CCDC141: variants seen among roughly 807,000 people sequenced by gnomAD.
The protein encoded by CCDC141 is coiled-coil domain-containing protein 141.
In CCDC141, 168 loss-of-function variants were observed where a neutral mutation model predicts 181.0. That is an observed-to-expected ratio of 0.93 (90% CI 0.82 to 1.05). The LOEUF (loss-of-function observed/expected upper bound fraction) is 1.05. Ranked by LOEUF, CCDC141 falls within the 50% of genes least tolerant of loss-of-function variation. CCDC141 has a pLI of 0.00. For synonymous variants in CCDC141, 666 were observed against 642.3 expected, an observed-to-expected ratio of 1.04 and a Z score of -0.56; for missense variants, 1,902 against 1,788.5, an observed-to-expected ratio of 1.06 and a Z score of -1.14.
intron 6 of CCDC141, among the ~76,000 whole-genome samples, chr2:178,940,005 A>T (rs1482591451): frequency 1.3e-5 from 2 of 152,232 alleles, no homozygotes; most frequent in Non-Finnish European, 2.9e-5. Flanking sequence ...CACTGGACAG[A>T]CCAAAAATTT....
chr2:178,850,087 A>C lies in CCDC141; in HGVS notation c.3319T>G (p.Leu1107Val). The C allele has an allele frequency of 6.2e-7, 1 of 1,610,216 alleles. No homozygotes were observed. The highest frequency in any genetic ancestry group is 8.5e-7 in the Non-Finnish European group (1 of 1,177,614). ...HKEVLESVTE[L>V]CESLTELEEK... The stretch of plus-strand genomic sequence containing the variant: ...TCGAGCTCTGTGAGGGACTCACATA[A>C]TTCAGTCACAGATTCAAGAACCTCT... Residue 1107 changes from leucine (L) to valine (V), a missense_variant, in exon 21 of 24, where the codon TTA becomes GTA. Transcript: ENST00000443758.
chr2:178,905,348 T>C lies in CCDC141; in HGVS notation c.1246A>G (p.Ser416Gly), dbSNP rs748639287. 3.1e-5 allele frequency: 48 copies of C among 1,549,124 alleles called. 1 individual carries two copies. In the South Asian group the frequency reaches 5.6e-4, roughly 18 times the overall value. The change falls in exon 8 of 24, where the codon AGC becomes GGC. Residue 416 changes from serine to glycine, a missense_variant. Coordinates refer to ENST00000443758, the MANE Select transcript of CCDC141 (RefSeq NM_173648.4). ...ACTCACCTGCAGGAGTCTACTTGGC[T>C]GATTAAGGTTTGTCCCTTTTGCAAA... ...DALQKGQTLI[S>G]QVDSCSSQVS...
chr2:179,044,113 C>G (rs1559068597), intron 2 of CCDC141, among the ~76,000 whole-genome samples: 1 of 152,068 alleles, frequency 6.6e-6, no homozygotes, highest in Non-Finnish European at 1.5e-5. Context: ...AGTGAAGGAC[C>G]TCTTTAAGGG....
rs1166488144 is a variant in CCDC141 at position 178,897,611 on chromosome 2, G to C, written c.1265+7718C>G. ...AGCTTAAATCCGCCATGATGAGGTA[G>C]AATGAAACCTTATACAGTCCTTTAG... On this transcript the variant is annotated intron_variant, in intron 8 of 23. Transcript: ENST00000443758. Among the ~76,000 whole-genome samples, 3 of 152,190 alleles carry C rather than the reference G, an allele frequency of 2.0e-5. No individual in the cohort carries two copies. The East Asian group carries it at 5.8e-4, about 29-fold the overall frequency.
chr2:178,942,523 G>A (rs1289409066), intron 6 of CCDC141, among the ~76,000 whole-genome samples: 7 of 152,242 alleles, frequency 4.6e-5, no homozygotes, highest in East Asian at 1.9e-4. Context: ...CAGGCAGAGC[G>A]CAGAGGAGTT....
At chr2:178,996,529 T>C (rs931027223) in intron 2 of CCDC141, among the ~76,000 whole-genome samples, 2 of 152,176 alleles carry the variant, frequency 1.3e-5, no homozygotes, top group Non-Finnish European at 2.9e-5. Context: ...AAAAATGGGC[T>C]ATTTCTATAT....
At chr2:178,997,209 C>T (rs1371722628) in intron 2 of CCDC141, among the ~76,000 whole-genome samples, 1 of 152,136 alleles carries the variant, frequency 6.6e-6, no homozygotes, top group African/African-American at 2.4e-5. Context: ...GTTAGGAAGG[C>T]CTTGTGGTTC....
At chr2:178,941,240 C>A (rs1053910848) in intron 6 of CCDC141, among the ~76,000 whole-genome samples, 1 of 152,170 alleles carries the variant, frequency 6.6e-6, no homozygotes, top group Non-Finnish European at 1.5e-5. Context: ...CATATTCCAT[C>A]CATCTGTTCA....
At chr2:178,959,145 G>C (rs2154378738) in intron 5 of CCDC141, among the ~76,000 whole-genome samples, 1 of 152,004 alleles carries the variant, frequency 6.6e-6, no homozygotes, top group African/African-American at 2.4e-5. Flanking sequence ...GCCTGTTGTG[G>C]GGTGGGGGAA....
chr2:179,042,173 C>G (rs2655160), intron 2 of CCDC141, among the ~76,000 whole-genome samples: 98,075 of 152,044 alleles, frequency 0.65, 32,933 homozygotes, highest in East Asian at 0.77. Context: ...TGAAGTAAAA[C>G]ACTCCTCAGC....
intron 5 of CCDC141, among the ~76,000 whole-genome samples, chr2:178,960,471 C>T (rs1002387887): frequency 7.2e-5 from 11 of 152,138 alleles, no homozygotes; most frequent in African/African-American, 2.4e-4. Context: ...GACCTCCCTC[C>T]ACATAATTTC....
intron 7 of CCDC141, among the ~76,000 whole-genome samples, chr2:178,906,971 A>G (rs902377532): frequency 6.6e-6 from 1 of 152,198 alleles, no homozygotes; most frequent in Non-Finnish European, 1.5e-5. Context: ...TCACTCAAAC[A>G]GCGTCTTACT....
intron 8 of CCDC141, among the ~76,000 whole-genome samples, chr2:178,890,724 A>G (rs1055933292): frequency 2.0e-5 from 3 of 152,180 alleles, no homozygotes; most frequent in African/African-American, 7.2e-5. Context: ...CACTGAGCCC[A>G]GCCTCCTCTT....
Position 178,853,599 on chromosome 2 carries a change from C to T in CCDC141, c.3086G>A (p.Ser1029Asn), listed in dbSNP as rs576407054. Residue 1029 changes from serine to asparagine, a missense_variant, in exon 20 of 24, where the codon AGT (serine) becomes AAT (asparagine). Ser to Asn is a conservative substitution (Grantham distance 46). Transcript: ENST00000443758. ...TTTTCCAACTCTTACAACTGTGGCA[C>T]TTGCATCTTCGTACCAAAAATGACA... ...EECHFWYEDA[S>N]ATVVRVGKYS... The T allele has an allele frequency of 1.2e-6, 2 of 1,612,792 alleles. No individual in the cohort carries two copies. The highest frequency in any genetic ancestry group is 4.5e-5 in the East Asian group (2 of 44,844).
chr2:178,944,573 G>C lies in CCDC141; in HGVS notation c.859C>G (p.Arg287Gly), dbSNP rs1350881319. The C allele has an allele frequency of 6.5e-7, 1 of 1,535,048 alleles. No individual in the cohort carries two copies. Among genetic ancestry groups the C allele is most frequent in the Admixed American group, 2.0e-5 (1 of 49,270 alleles). Residue 287 changes from arginine to glycine, a missense_variant, in exon 6 of 24, where the codon CGA (arginine) becomes GGA (glycine). Arg to Gly is a moderately radical substitution (Grantham distance 125, BLOSUM62 -2). Transcript: ENST00000443758. ...LGSSLSDNED[R>G]IHKQEELIIK... is the part of the protein sequence containing the mutation. ...ATCAGTTCCTCTTGCTTATGAATTC[G>C]ATCCTCATTGTCTGAAAGTGATGAA...
chr2:178,905,112 T>C (rs1212345453), intron 8 of CCDC141, among the ~76,000 whole-genome samples: 1 of 152,196 alleles, frequency 6.6e-6, no homozygotes, highest in Non-Finnish European at 1.5e-5. Context: ...CTTTAGCATA[T>C]GTAAGTCTCC....
intron 22 of CCDC141, among the ~76,000 whole-genome samples, chr2:178,841,462 T>C (rs1277701237): frequency 6.6e-6 from 1 of 152,210 alleles, no homozygotes; most frequent in Admixed American, 6.6e-5. Context: ...GTAAATCAAT[T>C]TGGCTCTTGG....
intron 2 of CCDC141, among the ~76,000 whole-genome samples, chr2:178,985,886 G>C (rs1209061783): frequency 6.6e-6 from 1 of 152,116 alleles, no homozygotes; most frequent in South Asian, 2.1e-4. Flanking sequence ...TCTACCAGAG[G>C]TACAAGGAGG....
At chr2:178,861,993 T>G (rs186055555) in intron 17 of CCDC141, among the ~76,000 whole-genome samples, 5 of 152,350 alleles carry the variant, frequency 3.3e-5, no homozygotes, top group Admixed American at 3.3e-4. Flanking sequence ...CAGTCCATGG[T>G]CATTTTGTCA....
Sources: allele counts gnomAD v4.1 joint callset (sites outside exome capture counted in the v4.1 genomes callset), GRCh38; gene constraint gnomAD v4.1.1; transcripts MANE v1.5; gene names NCBI Gene and HGNC (gene_info 2026-07-23, HGNC 2026-07-21).